The following XRN1 variants were observed in gnomAD, a reference collection of about 807,000 sequenced individuals.
XRN1 encodes the protein 5'-3' exoribonuclease 1, also known as strand-exchange protein 1 homolog.
Under a neutral mutation model 222.3 loss-of-function variants are expected in XRN1, and 67 were observed. That is an observed-to-expected ratio of 0.30 (90% CI 0.25 to 0.37). XRN1 has a LOEUF of 0.37. Ranked by LOEUF, XRN1 falls within the 10% of genes least tolerant of loss-of-function variation. The pLI is 1.00. For synonymous variants in XRN1, 643 were observed against 652.4 expected, an observed-to-expected ratio of 0.99 and a Z score of 0.22; for missense variants, 1,707 against 2,000.2, an observed-to-expected ratio of 0.85 and a Z score of 2.80.
In XRN1 at chr3:142,308,099, A is replaced by G. The variant is rs950346254; in HGVS notation, c.*3412T>C. On this transcript the variant is annotated 3_prime_UTR_variant, in exon 41 of 41. Coordinates refer to ENST00000392981, the MANE Select transcript of XRN1 (RefSeq NM_001282857.2). ...GTGAAGATCTGCACAGCTCTATCTC[A>G]TATAATAAAAGTAAAAATTAGACAA... The G allele has an allele frequency of 6.6e-6, 1 of 152,234 alleles. No homozygotes were observed. Among genetic ancestry groups the G allele is most frequent in the African/African-American group, 2.4e-5 (1 of 41,460 alleles). 9.4% of individuals were successfully genotyped at this position (152,234 alleles called of 1,614,324 possible).
At chr3:142,351,265 C>T (rs183175278) in intron 32 of XRN1, among the ~76,000 whole-genome samples, 1 of 151,998 alleles carries the variant, frequency 6.6e-6, no homozygotes, top group African/African-American at 2.4e-5. Context: ...GTGAAACTGA[C>T]AAAGAAGACT....
Position 142,414,126 on chromosome 3 carries a change from A to G in XRN1, c.1593+9T>C, listed in dbSNP as rs376396490. Reference sequence around the variant, plus strand: ...AAAGGACATAAAAACATTCAATTCTAAGACCCACCTGGTAGCATGCAGGAA... The same window carrying G: ...AAAGGACATAAAAACATTCAATTCTGAGACCCACCTGGTAGCATGCAGGAA... On this transcript the variant is annotated intron_variant, in intron 14 of 40. Transcript: ENST00000392981. The G allele has an allele frequency of 1.9e-6, 3 of 1,605,666 alleles. No homozygotes were observed. The highest frequency in any genetic ancestry group is 2.7e-5 in the African/African-American group (2 of 74,452).
At position 142,307,498 on chromosome 3, in the gene XRN1, A is replaced by G. The variant is rs929505656; in HGVS notation, c.*4013T>C. 6.6e-6 allele frequency: 1 copy of G among 152,200 alleles called. No individual in the cohort carries two copies. The highest frequency in any genetic ancestry group is 1.5e-5 in the Non-Finnish European group (1 of 68,026). 9.4% of individuals were successfully genotyped at this position (152,200 alleles called of 1,614,324 possible). On this transcript the variant is annotated 3_prime_UTR_variant, in exon 41 of 41. Coordinates refer to ENST00000392981, the MANE Select transcript of XRN1 (RefSeq NM_001282857.2). ...TTGAGCAAGGCATTATTATTTGTTCACTGACACACACACAAAAGCAGCTAC... is the reference window on the plus strand; with the variant it reads ...TTGAGCAAGGCATTATTATTTGTTCGCTGACACACACACAAAAGCAGCTAC...
chr3:142,363,142 T>C (rs1272417128), intron 29 of XRN1, among the ~76,000 whole-genome samples: 1 of 152,120 alleles, frequency 6.6e-6, no homozygotes, highest in Non-Finnish European at 1.5e-5. Context: ...GTTATTAAGA[T>C]TTTCTCCTAA....
At position 142,404,988 on chromosome 3, in the gene XRN1, C is replaced by T. The variant is rs142635071; in HGVS notation, c.1802G>A (p.Cys601Tyr). 3.7e-4 allele frequency: 590 copies of T among 1,613,934 alleles called. 1 individual carries two copies. In the African/African-American group the frequency reaches 7.0e-3, roughly 19 times the overall value. The change falls in exon 16 of 41, where the codon TGC (cysteine) becomes TAC (tyrosine). Residue 601 changes from cysteine to tyrosine, a missense_variant. Cys to Tyr is a radical substitution (Grantham distance 194). This residue lies in a region of XRN1 where 1,234 missense variants were observed against 1,518.2 expected (regional missense o/e 0.81). Transcript: ENST00000392981. Reference protein sequence around the residue: ...KRNQHSECLMCWYDRDTEFIY... With the variant: ...KRNQHSECLMYWYDRDTEFIY... Reference sequence around the variant, plus strand: ...AAACTCTGTGTCTCTATCATACCAGCACATTAGGCACTCACTATGTTGGTT... The same window carrying T: ...AAACTCTGTGTCTCTATCATACCAGTACATTAGGCACTCACTATGTTGGTT...
At chr3:142,312,549 T>G in intron 40 of XRN1, 49 bp downstream of exon 40, 1 of 1,440,230 alleles carries the variant, frequency 6.9e-7, no homozygotes. Context: ...TTATCAATAG[T>G]CTTTCAGCAT....
At chr3:142,417,447 A>G (rs560468238) in intron 12 of XRN1, among the ~76,000 whole-genome samples, 4 of 152,344 alleles carry the variant, frequency 2.6e-5, no homozygotes, top group East Asian at 3.9e-4. Flanking sequence ...ATCAAAATAG[A>G]TAAGTCTGTT....
intron 10 of XRN1, among the ~76,000 whole-genome samples, chr3:142,419,519 C>T (rs893477935): frequency 1.3e-5 from 2 of 151,976 alleles, no homozygotes; most frequent in African/African-American, 4.8e-5. Context: ...AGAAGCTCAA[C>T]AGAATCTTGG....
intron 1 of XRN1, among the ~76,000 whole-genome samples, chr3:142,444,808 G>A (rs2070429269): frequency 6.6e-6 from 1 of 151,724 alleles, no homozygotes; most frequent in Non-Finnish European, 1.5e-5. Flanking sequence ...AACATCTCAT[G>A]AACCCCATAA....
chr3:142,375,410 A>C (rs1015169633), intron 25 of XRN1, among the ~76,000 whole-genome samples: 1 of 152,190 alleles, frequency 6.6e-6, no homozygotes, highest in Admixed American at 6.5e-5. Flanking sequence ...AAATTCAATA[A>C]TTCTAAGATA....
chr3:142,350,413 G>A (rs915498329), intron 32 of XRN1, among the ~76,000 whole-genome samples: 1 of 152,110 alleles, frequency 6.6e-6, no homozygotes, highest in Non-Finnish European at 1.5e-5. Flanking sequence ...GTGAGTTATA[G>A]AAAATGTGAT....
At chr3:142,347,943 T>C (rs2066195831) in intron 32 of XRN1, among the ~76,000 whole-genome samples, 1 of 152,180 alleles carries the variant, frequency 6.6e-6, no homozygotes, top group African/African-American at 2.4e-5. Flanking sequence ...TTTTGCTTGA[T>C]GTTAACAAAT....
chr3:142,419,322 G>T (rs1002300893), intron 10 of XRN1, among the ~76,000 whole-genome samples: 2 of 151,646 alleles, frequency 1.3e-5, no homozygotes, highest in African/African-American at 4.9e-5. Flanking sequence ...TTCTTAGGGG[G>T]GGAAAAAAAA....
intron 32 of XRN1, among the ~76,000 whole-genome samples, chr3:142,351,548 CA>C (rs2066306851): frequency 6.6e-6 from 1 of 152,040 alleles, no homozygotes; most frequent in Admixed American, 6.6e-5. Flanking sequence ...CCAGTATAGA[CA>C]ATTTTTTCAA....
At chr3:142,442,756 T>C (rs1376261544) in intron 1 of XRN1, among the ~76,000 whole-genome samples, 2 of 152,162 alleles carry the variant, frequency 1.3e-5, no homozygotes, top group Non-Finnish European at 2.9e-5. Flanking sequence ...TATTTTGAGA[T>C]GGAATCTCGC....
intron 27 of XRN1, among the ~76,000 whole-genome samples, chr3:142,367,686 C>A (rs2066862151): frequency 6.6e-6 from 1 of 152,074 alleles, no homozygotes; most frequent in Non-Finnish European, 1.5e-5. Flanking sequence ...GCCAGGACCA[C>A]AGGCGTGTGC....
At chr3:142,412,090 C>G (rs1207126175) in intron 15 of XRN1, among the ~76,000 whole-genome samples, 1 of 152,250 alleles carries the variant, frequency 6.6e-6, no homozygotes. Flanking sequence ...TCCCAAAGTG[C>G]TGGGATTACA....
rs1282579735 is a variant in XRN1, at chr3:142,383,419, T to C, written c.2503-6A>G. On this transcript the variant is annotated splice_polypyrimidine_tract_variant and splice_region_variant and intron_variant, in intron 21 of 40. Coordinates refer to ENST00000392981, the MANE Select transcript of XRN1 (RefSeq NM_001282857.2). Reference sequence around the variant, plus strand: ...GAGTCGAAAGCTCGGATGTCCTACATAAAATAAAAGTAAATAATCTTAGTC... The same window carrying C: ...GAGTCGAAAGCTCGGATGTCCTACACAAAATAAAAGTAAATAATCTTAGTC... The C allele has an allele frequency of 2.5e-6, 4 of 1,603,138 alleles. No homozygotes were observed. Among genetic ancestry groups the C allele is most frequent in the Non-Finnish European group, 3.4e-6 (4 of 1,173,618 alleles).
chr3:142,433,547 T>C (rs570118152), intron 1 of XRN1, among the ~76,000 whole-genome samples: 1 of 152,336 alleles, frequency 6.6e-6, no homozygotes, highest in African/African-American at 2.4e-5. Flanking sequence ...ATTTTTCCTC[T>C]ATTTAAATGT....
Sources: gnomAD v4.1 joint callset for allele counts (sites outside exome capture counted in the v4.1 genomes callset) on GRCh38, gnomAD v4.1.1 for gene constraint, gnomAD v4.1.1 regional missense constraint, MANE v1.5 for transcripts, NCBI Gene and HGNC (gene_info 2026-07-23, HGNC 2026-07-21) for gene names.